DTNB: variants seen among roughly 807,000 people sequenced by gnomAD.
The protein encoded by DTNB is DTN-B.
DTNB carries 63 observed loss-of-function variants against 90.7 expected under a neutral mutation model. That is an observed-to-expected ratio of 0.69 (90% CI 0.57 to 0.86). DTNB has a LOEUF of 0.86. DTNB is among the 40% of genes least tolerant of loss of function. DTNB has a pLI of 0.00. For missense variants in DTNB, 744 were observed against 807.1 expected (o/e 0.92, Z 0.95); for synonymous variants, 277 against 286.7 (o/e 0.97, Z 0.34).
Position 25,539,035 on chromosome 2 carries a change from TCA to T in DTNB, c.877-7440_877-7439del, listed in dbSNP as rs540900154. The stretch of plus-strand genomic sequence containing the variant: ...GTCTTCTGCGACTTGCTTCTTTCAC[TCA>T]GTTATGTTACAATTTATCCATTCTG... On this transcript the variant is annotated intron_variant, in intron 8 of 20. Coordinates refer to ENST00000406818, the MANE Select transcript of DTNB (RefSeq NM_021907.5). Among the ~76,000 whole-genome samples the T allele has an allele frequency of 1.4e-4, 22 of 152,350 alleles. No homozygotes were observed. The South Asian group carries it at 4.3e-3, about 30-fold the overall frequency.
At chr2:25,473,441 C>T (rs919855746) in intron 10 of DTNB, among the ~76,000 whole-genome samples, 2 of 152,226 alleles carry the variant, frequency 1.3e-5, no homozygotes, top group Non-Finnish European at 2.9e-5. Context: ...TGAAAAGCCC[C>T]AAAGCATGTG....
rs751543157 is a variant in DTNB, at chr2:25,628,298, A to T, written c.235T>A (p.Ser79Thr). 1 of 1,613,476 alleles carries T rather than the reference A, an allele frequency of 6.2e-7. No homozygotes were observed. The highest frequency in any genetic ancestry group is 8.5e-7 in the Non-Finnish European group (1 of 1,179,786). Residue 79 changes from serine to threonine, a missense_variant, in exon 4 of 21, where the codon TCC becomes ACC. Ser to Thr is a moderately conservative substitution (Grantham distance 58). Transcript: ENST00000406818. Reference protein sequence around the residue: ...TLDHTTEISVSRLETVISSIY... With the variant: ...TLDHTTEISVTRLETVISSIY... ...GAGGAGATGACAGTTTCGAGGCGGG[A>T]CACACTGATCTCGGTGGTATGGTCC...
intron 10 of DTNB, among the ~76,000 whole-genome samples, chr2:25,477,821 C>T (rs2150352824): frequency 6.6e-6 from 1 of 152,158 alleles, no homozygotes. Context: ...GGACTATGAG[C>T]CAATCATTCT....
intron 9 of DTNB, among the ~76,000 whole-genome samples, chr2:25,517,735 C>T (rs1247950709): frequency 6.6e-6 from 1 of 152,178 alleles, no homozygotes; most frequent in Non-Finnish European, 1.5e-5. Context: ...ATGTTCATAA[C>T]AGCACTATTC....
At chr2:25,544,692 A>G (rs486217) in intron 8 of DTNB, among the ~76,000 whole-genome samples, 42,514 of 152,050 alleles carry the variant, frequency 0.28, 6,589 homozygotes, top group East Asian at 0.51. Flanking sequence ...AACCTCACCT[A>G]GTAACTTCAG....
At chr2:25,616,303 T>C (rs2070476873) in intron 4 of DTNB, among the ~76,000 whole-genome samples, 1 of 151,594 alleles carries the variant, frequency 6.6e-6, no homozygotes, top group South Asian at 2.1e-4. Flanking sequence ...GGTACTATGA[T>C]ATCTTTACTT....
At chr2:25,648,278 G>C (rs1404858015) in intron 2 of DTNB, among the ~76,000 whole-genome samples, 1 of 152,058 alleles carries the variant, frequency 6.6e-6, no homozygotes, top group Middle Eastern at 3.4e-3. Flanking sequence ...TATTTATCGA[G>C]GCACCATCAT....
At chr2:25,502,936 C>G (rs1162666546) in intron 9 of DTNB, among the ~76,000 whole-genome samples, 1 of 148,284 alleles carries the variant, frequency 6.7e-6, no homozygotes, top group Non-Finnish European at 1.5e-5. Flanking sequence ...AGCCTATGGT[C>G]CCAGCTACTT....
intron 15 of DTNB, among the ~76,000 whole-genome samples, chr2:25,425,918 C>G (rs1172996124): frequency 1.3e-5 from 2 of 152,138 alleles, no homozygotes; most frequent in African/African-American, 2.4e-5. Flanking sequence ...TAACTTTCAA[C>G]AACAATAGAT....
Position 25,416,804 on chromosome 2 carries a change from C to CGAAGGAAGGAAGGAAGGAAGGAAGGAAG in DTNB, c.1575+2683_1575+2710dup, listed in dbSNP as rs56106629. Reference sequence around the variant, plus strand: ...AACCTGGAAGGAAGGAAGGAAGGAACGAAGGAAGGAAGGAAGGAAGGAAGG... The same window carrying CGAAGGAAGGAAGGAAGGAAGGAAGGAAG: ...AACCTGGAAGGAAGGAAGGAAGGAACGAAGGAAGGAAGGAAGGAAGGAAGGAAGGAAGGAAGGAAGGAAGGAAGGAAGG... On this transcript the variant is annotated intron_variant, in intron 16 of 20. Coordinates refer to ENST00000406818, the MANE Select transcript of DTNB (RefSeq NM_021907.5). Among the ~76,000 whole-genome samples the CGAAGGAAGGAAGGAAGGAAGGAAGGAAG allele has an allele frequency of 1.9e-4, 25 of 130,064 alleles. 2 individuals carry two copies. In the East Asian group the frequency reaches 5.0e-3, roughly 26 times the overall value. 85.3% of individuals were successfully genotyped at this position (130,064 alleles called of 152,430 possible). A position where few individuals can be genotyped will look rare whatever the true frequency, so the allele number is the denominator to read the frequency against.
intron 8 of DTNB, among the ~76,000 whole-genome samples, chr2:25,560,525 A>T (rs1195832365): frequency 6.6e-6 from 1 of 151,258 alleles, no homozygotes; most frequent in East Asian, 1.9e-4. Flanking sequence ...AAACTGAAAG[A>T]TCAACTCTTT....
At chr2:25,483,434 G>A (rs974886749) in intron 9 of DTNB, among the ~76,000 whole-genome samples, 32 of 152,200 alleles carry the variant, frequency 2.1e-4, no homozygotes, top group African/African-American at 6.0e-4. Context: ...TAAATACCAC[G>A]TTCAAAAATA....
At chr2:25,583,115 C>T (rs1199598042) in intron 6 of DTNB, among the ~76,000 whole-genome samples, 2 of 151,720 alleles carry the variant, frequency 1.3e-5, no homozygotes, top group East Asian at 3.9e-4. Flanking sequence ...GGTGTGGTGG[C>T]GGGTGCCTGT....
chr2:25,383,835 C>T lies in DTNB; in HGVS notation c.1879+1G>A, dbSNP rs2038639057. ...GAGCAGTCCTGCTGAGCTGCCTTTA[C>T]CTCTGTCTTTCCCATTCTGCATCTT... On this transcript the variant is annotated splice_donor_variant, in intron 19 of 20. Coordinates refer to ENST00000406818, the MANE Select transcript of DTNB (RefSeq NM_021907.5). LOFTEE classifies it high-confidence loss of function. 1.2e-5 allele frequency: 19 copies of T among 1,613,914 alleles called. 1 individual carries two copies. The highest frequency in any genetic ancestry group is 2.2e-5 in the South Asian group (2 of 91,092).
At chr2:25,639,959 C>T (rs114929977) in intron 2 of DTNB, among the ~76,000 whole-genome samples, 23 of 152,306 alleles carry the variant, frequency 1.5e-4, no homozygotes, top group African/African-American at 5.3e-4. Context: ...AACGCGCAGG[C>T]GAGCGAGCCT....
chr2:25,558,628 G>A (rs558026151), intron 8 of DTNB, among the ~76,000 whole-genome samples: 36 of 152,220 alleles, frequency 2.4e-4, no homozygotes, highest in Non-Finnish European at 3.5e-4. Context: ...TTATTTGATC[G>A]CATCCATCTT....
At chr2:25,613,521 A>G (rs1559236127) in intron 4 of DTNB, among the ~76,000 whole-genome samples, 1 of 152,192 alleles carries the variant, frequency 6.6e-6, no homozygotes, top group East Asian at 1.9e-4. Flanking sequence ...TTCCTGCATT[A>G]ATTTGTTTAG....
chr2:25,507,376 C>G (rs2072717600), intron 9 of DTNB, among the ~76,000 whole-genome samples: 1 of 152,148 alleles, frequency 6.6e-6, no homozygotes, highest in Non-Finnish European at 1.5e-5. Context: ...TACAAACTCC[C>G]TATCTGACAC....
At position 25,628,195 on chromosome 2, in the gene DTNB, T is replaced by C; in HGVS notation, c.338A>G (p.Asn113Ser). 6.2e-7 allele frequency: 1 copy of C among 1,613,842 alleles called. No homozygotes were observed. Among genetic ancestry groups the C allele is most frequent in the Non-Finnish European group, 8.5e-7 (1 of 1,179,846 alleles). ...CCTGTCATATGCAGCAATCATAAAG[T>C]TGAGGAGGAGGCTGATAGATTGTTC... Reference protein sequence around the residue: ...SVEQSISLLLNFMIAAYDSEG... With the variant: ...SVEQSISLLLSFMIAAYDSEG... Residue 113 changes from asparagine (N) to serine (S), a missense_variant, in exon 4 of 21, where the codon AAC (asparagine) becomes AGC (serine). Transcript: ENST00000406818.
Sources: gnomAD v4.1 joint callset for allele counts (sites outside exome capture counted in the v4.1 genomes callset) on GRCh38, gnomAD v4.1.1 for gene constraint, MANE v1.5 for transcripts, NCBI Gene and HGNC (gene_info 2026-07-23, HGNC 2026-07-21) for gene names.